Variants in LTBP1 observed in about 807,000 individuals in gnomAD.
The protein encoded by LTBP1 is latent transforming growth factor beta binding protein 1.
Under a neutral mutation model 207.6 loss-of-function variants are expected in LTBP1, and 129 were observed. The ratio of observed to expected loss-of-function variants is 0.62; its 90% CI spans 0.54 to 0.72. LTBP1 has a LOEUF of 0.72. LTBP1 is among the 30% of genes least tolerant of loss of function. The pLI is 0.00. For synonymous variants in LTBP1, 963 were observed against 833.7 expected, an observed-to-expected ratio of 1.16 and a Z score of -2.67; for missense variants, 2,281 against 2,217.2, an observed-to-expected ratio of 1.03 and a Z score of -0.58.
rs1176983288 is a variant in LTBP1, at chr2:33,389,259, T to G, written c.4787T>G (p.Phe1596Cys). Residue 1596 changes from phenylalanine (F) to cysteine (C), a missense_variant, in exon 32 of 34, where the codon TTC (phenylalanine) becomes TGC (cysteine). Coordinates refer to ENST00000404816, the MANE Select transcript of LTBP1 (RefSeq NM_206943.4). The stretch of plus-strand genomic sequence containing the variant: ...TATGGACGGGACGCCTTGGTTGACT[T>G]CAGTGAACAGTATACTCCAGAAGCC... ...QPYGRDALVD[F>C]SEQYTPEADP... 2.5e-6 allele frequency: 4 copies of G among 1,614,068 alleles called. No homozygotes were observed. The highest frequency in any genetic ancestry group is 3.4e-6 in the Non-Finnish European group (4 of 1,180,040).
chr2:33,362,262 A>T (rs1337345668), intron 28 of LTBP1, among the ~76,000 whole-genome samples: 2 of 152,110 alleles, frequency 1.3e-5, no homozygotes, highest in South Asian at 4.1e-4. Flanking sequence ...AATCATTTTT[A>T]TTGTCCATTT....
At chr2:33,137,602 A>G (rs1330338690) in intron 5 of LTBP1, among the ~76,000 whole-genome samples, 1 of 152,270 alleles carries the variant, frequency 6.6e-6, no homozygotes. Context: ...AGGAGTCAAC[A>G]TAATCCAGGG....
At chr2:33,082,139 C>A (rs1045946219) in intron 3 of LTBP1, among the ~76,000 whole-genome samples, 6 of 152,138 alleles carry the variant, frequency 3.9e-5, no homozygotes, top group Non-Finnish European at 5.9e-5. Flanking sequence ...ATTAATGACA[C>A]TATTGCAGGA....
At chr2:33,302,296 C>G (rs923317270) in intron 22 of LTBP1, among the ~76,000 whole-genome samples, 1 of 152,180 alleles carries the variant, frequency 6.6e-6, no homozygotes, top group African/African-American at 2.4e-5. Context: ...TTTTCCCAGC[C>G]CACCTGAGGT....
chr2:33,343,251 T>TA lies in LTBP1; in HGVS notation c.3856+298dup, dbSNP rs968575226. Among the ~76,000 whole-genome samples, 51 of 150,128 alleles carry TA rather than the reference T, an allele frequency of 3.4e-4. No individual in the cohort carries two copies. In the South Asian group the frequency reaches 6.6e-3, roughly 19 times the overall value. On this transcript the variant is annotated intron_variant, in intron 25 of 33. Transcript: ENST00000404816. Reference sequence around the variant, plus strand: ...ATCTTTTCTCTATGAATAAAAATTTTAAAAAAAAAATTAGCCAGGCTTGAT... The same window carrying TA: ...ATCTTTTCTCTATGAATAAAAATTTTAAAAAAAAAAATTAGCCAGGCTTGAT...
At chr2:33,393,094 G>GT (rs1354093020) in intron 32 of LTBP1, among the ~76,000 whole-genome samples, 1 of 151,800 alleles carries the variant, frequency 6.6e-6, no homozygotes, top group African/African-American at 2.4e-5. Flanking sequence ...ATAAAGGTTT[G>GT]TTACATAGGC....
intron 2 of LTBP1, among the ~76,000 whole-genome samples, chr2:33,011,979 C>G (rs754237688): frequency 6.6e-6 from 1 of 152,002 alleles, no homozygotes; most frequent in African/African-American, 2.4e-5. Context: ...TCAGGGAGGT[C>G]TTTCCTAACT....
chr2:33,042,193 G>A (rs576019592), intron 3 of LTBP1, among the ~76,000 whole-genome samples: 1 of 152,216 alleles, frequency 6.6e-6, no homozygotes, highest in East Asian at 1.9e-4. Context: ...TTTTAATTGT[G>A]CTATTTATTT....
intron 2 of LTBP1, among the ~76,000 whole-genome samples, chr2:32,991,878 A>G (rs1015903740): frequency 5.3e-5 from 8 of 152,168 alleles, no homozygotes; most frequent in Non-Finnish European, 1.0e-4. Flanking sequence ...TTCAGAGACA[A>G]CTTTAATGAT....
At chr2:33,164,127 G>A (rs577772228) in intron 5 of LTBP1, among the ~76,000 whole-genome samples, 1 of 151,814 alleles carries the variant, frequency 6.6e-6, no homozygotes, top group African/African-American at 2.4e-5. Context: ...GAGGTGGGCA[G>A]ATCACGAGTT....
At chr2:33,353,860 C>T (rs72861411) in intron 26 of LTBP1, among the ~76,000 whole-genome samples, 11,618 of 98,244 alleles carry the variant, frequency 0.12, 616 homozygotes, top group Non-Finnish European at 0.15. Flanking sequence ...GCATGTACGC[C>T]TTTTTTTTTT....
intron 5 of LTBP1, among the ~76,000 whole-genome samples, chr2:33,137,727 A>T (rs1325484814): frequency 6.6e-6 from 1 of 151,248 alleles, no homozygotes; most frequent in African/African-American, 2.5e-5. Context: ...TGTTTGTTTG[A>T]GGATGTGGAA....
intron 3 of LTBP1, among the ~76,000 whole-genome samples, chr2:33,061,862 A>G (rs1489575737): frequency 6.6e-6 from 1 of 152,158 alleles, no homozygotes; most frequent in East Asian, 1.9e-4. Flanking sequence ...GTATGTGGTT[A>G]GCTTTATAAG....
intron 12 of LTBP1, 21 bp from the exon 13 acceptor site, chr2:33,259,567 C>G (rs1264856997): frequency 2.5e-6 from 4 of 1,586,952 alleles, no homozygotes; most frequent in Admixed American, 1.7e-5. Context: ...TACTAATACC[C>G]TTTTTCTTTT....
At chr2:33,117,336 G>A (rs2080806989) in intron 4 of LTBP1, among the ~76,000 whole-genome samples, 1 of 152,168 alleles carries the variant, frequency 6.6e-6, no homozygotes, top group Non-Finnish European at 1.5e-5. Flanking sequence ...CTGACATCGA[G>A]AAGCACGGCA....
chr2:33,128,191 G>A (rs2081557317), intron 4 of LTBP1, among the ~76,000 whole-genome samples: 1 of 152,182 alleles, frequency 6.6e-6, no homozygotes, highest in African/African-American at 2.4e-5. Flanking sequence ...ATACAGATAG[G>A]TGTTATTTAT....
intron 3 of LTBP1, among the ~76,000 whole-genome samples, chr2:33,105,607 A>G (rs1301955730): frequency 6.6e-6 from 1 of 152,012 alleles, no homozygotes; most frequent in African/African-American, 2.4e-5. Flanking sequence ...TAATTTTTGT[A>G]TTTTTAGTAA....
chr2:33,077,688 G>C (rs1056963003), intron 3 of LTBP1, among the ~76,000 whole-genome samples: 1 of 152,160 alleles, frequency 6.6e-6, no homozygotes, highest in Non-Finnish European at 1.5e-5. Context: ...ATAATTCGAC[G>C]TGAGATTTGG....
At position 33,332,696 on chromosome 2, in the gene LTBP1, A is replaced by G. The variant is rs556903165; in HGVS notation, c.3731-10142A>G. Among the ~76,000 whole-genome samples the G allele has an allele frequency of 1.7e-3, 262 of 152,078 alleles. 8 individuals are homozygous for G. The highest frequency in any genetic ancestry group is 0.013 in the Admixed American group (197 of 15,288). On this transcript the variant is annotated intron_variant, in intron 24 of 33. Coordinates refer to ENST00000404816, the MANE Select transcript of LTBP1 (RefSeq NM_206943.4). ...CTCAGCCTCCCAAGTAGCTGGGACT[A>G]CAGGCGCCCACCACCATGCCCAGCT...
Sources: gnomAD v4.1 joint callset for allele counts (sites outside exome capture counted in the v4.1 genomes callset) on GRCh38, gnomAD v4.1.1 for gene constraint, MANE v1.5 for transcripts, NCBI Gene and HGNC (gene_info 2026-07-23, HGNC 2026-07-21) for gene names.